DOCK4: variants seen among roughly 807,000 people sequenced by gnomAD.
The protein encoded by DOCK4 is dedicator of cytokinesis 4.
A neutral mutation model predicts 268.1 loss-of-function variants in DOCK4; 97 were observed. The observed-to-expected ratio is 0.36, with a 90% CI of 0.31 to 0.43. DOCK4 has a LOEUF of 0.43. DOCK4 is among the 20% of genes least tolerant of loss of function. The pLI is 1.00. For synonymous variants in DOCK4, 954 were observed against 887.2 expected (o/e 1.08, Z -1.34); for missense variants, 2,145 against 2,455.7 (o/e 0.87, Z 2.67).
At chr7:112,108,894 C>T (rs1405665101) in intron 1 of DOCK4, among the ~76,000 whole-genome samples, 1 of 152,092 alleles carries the variant, frequency 6.6e-6, no homozygotes, top group Non-Finnish European at 1.5e-5. Flanking sequence ...TTTGGCGAGA[C>T]CCCTTATTTC....
intron 52 of DOCK4, among the ~76,000 whole-genome samples, chr7:111,730,606 T>C (rs1795016150): frequency 6.6e-6 from 1 of 151,910 alleles, no homozygotes; most frequent in Non-Finnish European, 1.5e-5. Flanking sequence ...GCTGTAGGGT[T>C]AGACCCACAG....
chr7:111,819,269 T>A (rs1801796983), intron 27 of DOCK4: 1 of 152,236 alleles, frequency 6.6e-6, no homozygotes, highest in Admixed American at 6.5e-5. Flanking sequence ...TTTATTTTTG[T>A]ACTTTATTTC....
chr7:112,117,383 T>A (rs1238230681), intron 1 of DOCK4, among the ~76,000 whole-genome samples: 1 of 152,214 alleles, frequency 6.6e-6, no homozygotes, highest in Non-Finnish European at 1.5e-5. Flanking sequence ...TTTTCTTTTT[T>A]GAGACGGAGT....
At chr7:111,886,446 T>C (rs954018115) in intron 16 of DOCK4, among the ~76,000 whole-genome samples, 3 of 152,204 alleles carry the variant, frequency 2.0e-5, no homozygotes, top group East Asian at 3.9e-4. Flanking sequence ...TCCACACTTA[T>C]CTGTTAATAC....
intron 5 of DOCK4, among the ~76,000 whole-genome samples, chr7:111,989,586 C>T (rs891810678): frequency 9.2e-5 from 14 of 152,210 alleles, no homozygotes; most frequent in Non-Finnish European, 1.6e-4. Flanking sequence ...GAAGACATTG[C>T]TTTCCAATTA....
At chr7:111,757,694 A>G (rs1797124168) in intron 41 of DOCK4, among the ~76,000 whole-genome samples, 1 of 152,044 alleles carries the variant, frequency 6.6e-6, no homozygotes, top group African/African-American at 2.4e-5. Flanking sequence ...GTTGTGAATG[A>G]TCCCTGGAAA....
intron 27 of DOCK4, among the ~76,000 whole-genome samples, chr7:111,815,183 G>A (rs780267088): frequency 4.6e-5 from 7 of 152,148 alleles, no homozygotes; most frequent in Non-Finnish European, 1.5e-5. Context: ...GTGCTTGATA[G>A]GATGAGGAGT....
intron 1 of DOCK4, among the ~76,000 whole-genome samples, chr7:112,054,022 CAAAG>C (rs760814754): frequency 1.8e-4 from 28 of 152,188 alleles, no homozygotes; most frequent in African/African-American, 6.5e-4. Context: ...GACGAAATAA[CAAAG>C]GAATGGGATT....
At position 111,926,870 on chromosome 7, in the gene DOCK4, A is replaced by AAAGGAAGGAAGGAAGG. The variant is rs143004189; in HGVS notation, c.1066+8654_1066+8669dup. On this transcript the variant is annotated intron_variant, in intron 12 of 52. Coordinates refer to ENST00000428084, the MANE Select transcript of DOCK4 (RefSeq NM_001363540.2). ...GAAAGAGAAAAAGAGAGAGAGAGAG[A>AAAGGAAGGAAGGAAGG]AAGGAAGGAAGGAAGGAAGGAAGGA... 2.3e-3 allele frequency among the ~76,000 whole-genome samples: 349 copies of AAAGGAAGGAAGGAAGG among 150,002 alleles called. 2 individuals are homozygous for AAAGGAAGGAAGGAAGG. The highest frequency in any genetic ancestry group is 8.1e-3 in the African/African-American group (326 of 40,162).
intron 1 of DOCK4, among the ~76,000 whole-genome samples, chr7:112,103,890 A>G (rs889487308): frequency 1.3e-5 from 2 of 152,144 alleles, no homozygotes; most frequent in African/African-American, 4.8e-5. Flanking sequence ...TCAATAAAAG[A>G]AGAAAAAAAA....
chr7:112,059,393 C>T (rs934852166), intron 1 of DOCK4, among the ~76,000 whole-genome samples: 19 of 152,108 alleles, frequency 1.2e-4, no homozygotes, highest in Admixed American at 1.3e-4. Flanking sequence ...CCATCCTCCT[C>T]GGCCTCCCAA....
intron 1 of DOCK4, among the ~76,000 whole-genome samples, chr7:112,162,258 C>T (rs1291802052): frequency 1.3e-5 from 2 of 152,064 alleles, no homozygotes; most frequent in Non-Finnish European, 2.9e-5. Flanking sequence ...TTGTCTCTGC[C>T]TGCCAGCACT....
chr7:111,898,350 C>T (rs764964584), intron 15 of DOCK4, among the ~76,000 whole-genome samples: 3 of 152,222 alleles, frequency 2.0e-5, no homozygotes, highest in Non-Finnish European at 4.4e-5. Context: ...GTTGCCAACA[C>T]ATGTCCTTAT....
chr7:112,089,661 T>C (rs1809442608), intron 1 of DOCK4, among the ~76,000 whole-genome samples: 1 of 152,092 alleles, frequency 6.6e-6, no homozygotes, highest in Non-Finnish European at 1.5e-5. Flanking sequence ...ATGGATTTCC[T>C]CCTTATTGTT....
At chr7:111,989,351 C>T (rs1799324971) in intron 5 of DOCK4, among the ~76,000 whole-genome samples, 188 bp from the exon 6 acceptor site, 1 of 152,212 alleles carries the variant, frequency 6.6e-6, no homozygotes, top group Admixed American at 6.5e-5. Flanking sequence ...TCTCTATATG[C>T]TTCATCTAAG....
At chr7:111,788,038 T>C (rs1022363188) in intron 32 of DOCK4, among the ~76,000 whole-genome samples, 1 of 152,216 alleles carries the variant, frequency 6.6e-6, no homozygotes, top group African/African-American at 2.4e-5. Flanking sequence ...CCTGTGGCTA[T>C]GATCAGATTC....
chr7:112,139,204 C>G (rs1428069), intron 1 of DOCK4, among the ~76,000 whole-genome samples: 40,553 of 152,068 alleles, frequency 0.27, 6,423 homozygotes, highest in East Asian at 0.48. Context: ...CAGGGCCTCT[C>G]AGATCTAGGA....
chr7:112,140,376 G>A (rs1329718559), intron 1 of DOCK4, among the ~76,000 whole-genome samples: 1 of 152,122 alleles, frequency 6.6e-6, no homozygotes, highest in Non-Finnish European at 1.5e-5. Context: ...GTCTTCAGCA[G>A]TTGAATATGT....
chr7:112,043,237 TA>T (rs35235606), intron 1 of DOCK4, among the ~76,000 whole-genome samples: 32,930 of 145,090 alleles, frequency 0.23, 6,690 homozygotes, highest in African/African-American at 0.53. Context: ...ATCTCCTTTA[TA>T]AAAAAAAAAA....
Sources: allele counts gnomAD v4.1 joint callset (sites outside exome capture counted in the v4.1 genomes callset), GRCh38; gene constraint gnomAD v4.1.1; transcripts MANE v1.5; gene names NCBI Gene and HGNC (gene_info 2026-07-23, HGNC 2026-07-21).